MSI2: variants seen among roughly 807,000 people sequenced by gnomAD.
MSI2 encodes RNA-binding protein Musashi homolog 2.
A neutral mutation model predicts 45.6 loss-of-function variants in MSI2; 17 were observed. That is an observed-to-expected ratio of 0.37 (90% CI 0.26 to 0.56). The LOEUF (loss-of-function observed/expected upper bound fraction) is 0.56. Ranked by LOEUF, MSI2 falls within the 20% of genes least tolerant of loss-of-function variation. The pLI is 0.77. For synonymous variants in MSI2, 156 were observed against 158.2 expected, an observed-to-expected ratio of 0.99 and a Z score of 0.11; for missense variants, 293 against 444.2, an observed-to-expected ratio of 0.66 and a Z score of 3.06.
At chr17:57,305,272 G>C (rs1911782656) in intron 5 of MSI2, among the ~76,000 whole-genome samples, 1 of 152,114 alleles carries the variant, frequency 6.6e-6, no homozygotes. Flanking sequence ...ACCGGCATGG[G>C]TGAACCGTTC....
chr17:57,262,696 T>A (rs1907429093), intron 5 of MSI2, among the ~76,000 whole-genome samples: 2 of 152,222 alleles, frequency 1.3e-5, no homozygotes, highest in African/African-American at 4.8e-5. Flanking sequence ...GTTGGTTGGA[T>A]AAGTCAGGGC....
Position 57,613,136 on chromosome 17 carries a change from C to T in MSI2, c.538-2834C>T, listed in dbSNP as rs531347000. On this transcript the variant is annotated intron_variant, in intron 8 of 13. Transcript: ENST00000284073. ...AGTGACAGTCTATTGCATTATCTTA[C>T]AAAAACCTGCTCCCTGTTGCTTAGC... 3.9e-5 allele frequency among the ~76,000 whole-genome samples: 6 copies of T among 152,278 alleles called. No homozygotes were observed. In the East Asian group the frequency reaches 1.2e-3, roughly 29 times the overall value.
chr17:57,567,341 A>G (rs190886399), intron 7 of MSI2, among the ~76,000 whole-genome samples: 18 of 152,332 alleles, frequency 1.2e-4, no homozygotes, highest in Admixed American at 8.5e-4. Flanking sequence ...TTCATAAACA[A>G]TTTTGCTCTT....
At chr17:57,472,048 C>T (rs1423067919) in intron 6 of MSI2, among the ~76,000 whole-genome samples, 4 of 152,244 alleles carry the variant, frequency 2.6e-5, no homozygotes, top group East Asian at 3.9e-4. Context: ...TGTGGGTGGG[C>T]GTGCCCTTGC....
At chr17:57,466,421 A>C (rs1011580404) in intron 6 of MSI2, among the ~76,000 whole-genome samples, 10 of 152,152 alleles carry the variant, frequency 6.6e-5, no homozygotes, top group Non-Finnish European at 1.3e-4. Context: ...GCGGCAGTCC[A>C]TTGTTGCCCA....
chr17:57,415,304 G>A (rs925100799), intron 6 of MSI2, among the ~76,000 whole-genome samples: 5 of 152,182 alleles, frequency 3.3e-5, no homozygotes, highest in Non-Finnish European at 5.9e-5. Flanking sequence ...GAATGTGTTT[G>A]TGGGTACATT....
At chr17:57,674,806 G>A (rs1229563901) in intron 11 of MSI2, 166 bp from the exon 12 acceptor site, 1 of 982,182 alleles carries the variant, frequency 1.0e-6, no homozygotes, top group African/African-American at 1.6e-5. Flanking sequence ...GCATGGCCTT[G>A]GTTGAGTGTT....
At chr17:57,607,161 A>G (rs1174159761) in intron 8 of MSI2, among the ~76,000 whole-genome samples, 1 of 152,186 alleles carries the variant, frequency 6.6e-6, no homozygotes, top group Non-Finnish European at 1.5e-5. Context: ...CATTATGTGT[A>G]TATGTTATGT....
rs11079302 is a variant in MSI2, at chr17:57,439,070, G to A, written c.405+37599G>A. ...GCAGAGGCATAAGCCACCATGCCCG[G>A]CCTAGGAATTTTGTTGTATGTCTGT... On this transcript the variant is annotated intron_variant, in intron 6 of 13. Coordinates refer to ENST00000284073, the MANE Select transcript of MSI2 (RefSeq NM_138962.4). Among the ~76,000 whole-genome samples, 170 of 152,216 alleles carry A rather than the reference G, an allele frequency of 1.1e-3. 1 individual carries two copies. The East Asian group carries it at 0.03, about 27-fold the overall frequency.
chr17:57,663,549 G>T (rs1912159560), intron 11 of MSI2, among the ~76,000 whole-genome samples: 1 of 152,182 alleles, frequency 6.6e-6, no homozygotes, highest in African/African-American at 2.4e-5. Flanking sequence ...GACAGACATA[G>T]GATCCAGGAT....
intron 11 of MSI2, among the ~76,000 whole-genome samples, chr17:57,659,684 C>T (rs1299094785): frequency 6.6e-6 from 1 of 152,072 alleles, no homozygotes; most frequent in Non-Finnish European, 1.5e-5. Context: ...GAGGGACACA[C>T]CTGCCCCCCA....
chr17:57,271,373 G>A (rs1459217659), intron 5 of MSI2, among the ~76,000 whole-genome samples: 2 of 152,156 alleles, frequency 1.3e-5, no homozygotes, highest in Admixed American at 6.5e-5. Flanking sequence ...TTAGGGGTAT[G>A]AGCAGCCAAG....
Position 57,261,351 on chromosome 17 carries a change from A to G in MSI2, c.271-800A>G, listed in dbSNP as rs555948067. Reference sequence around the variant, plus strand: ...TAGATTCTGACTACTTCTTGTATTCAGTAACTTTTTTTTTTTTTTGGTGCC... The same window carrying G: ...TAGATTCTGACTACTTCTTGTATTCGGTAACTTTTTTTTTTTTTTGGTGCC... On this transcript the variant is annotated intron_variant, in intron 4 of 13. Coordinates refer to ENST00000284073, the MANE Select transcript of MSI2 (RefSeq NM_138962.4). Among the ~76,000 whole-genome samples, 183 of 144,300 alleles carry G rather than the reference A, an allele frequency of 1.3e-3. 1 individual carries two copies. Among genetic ancestry groups the G allele is most frequent in the African/African-American group, 4.6e-3 (173 of 37,710 alleles). The allele number at this position is 144,300 out of a possible 152,430, so 94.7% of individuals were successfully genotyped here.
rs1912441016 is a variant in MSI2 at position 57,312,005 on chromosome 17, GC to G, written c.312+49815del. On this transcript the variant is annotated intron_variant, in intron 5 of 13. Transcript: ENST00000284073. ...GAGCTATGGCATCCGGCCAGGTATT[GC>G]CTTTTGATACCTGCTTTCTCTGGAG... 2.0e-5 allele frequency among the ~76,000 whole-genome samples: 3 copies of G among 152,186 alleles called. No individual in the cohort carries two copies. The South Asian group carries it at 6.2e-4, about 32-fold the overall frequency.
intron 5 of MSI2, among the ~76,000 whole-genome samples, chr17:57,379,392 G>A (rs1296326459): frequency 1.4e-5 from 2 of 144,544 alleles, no homozygotes; most frequent in African/African-American, 5.0e-5. Context: ...TATTCAATTT[G>A]ACTGTTGCTA....
chr17:57,259,360 C>CA (rs1486666972), intron 4 of MSI2, among the ~76,000 whole-genome samples: 2 of 152,224 alleles, frequency 1.3e-5, no homozygotes, highest in African/African-American at 2.4e-5. Flanking sequence ...GTGAGCAAGA[C>CA]ATTCCCTACC....
intron 6 of MSI2, among the ~76,000 whole-genome samples, chr17:57,527,323 C>A (rs1264833317): frequency 7.1e-6 from 1 of 140,194 alleles, no homozygotes; most frequent in Non-Finnish European, 1.6e-5. Context: ...GGGTCTGAGT[C>A]TGAGATATGC....
chr17:57,499,852 A>G (rs903616644), intron 6 of MSI2, among the ~76,000 whole-genome samples: 2 of 152,154 alleles, frequency 1.3e-5, no homozygotes, highest in Non-Finnish European at 2.9e-5. Context: ...GCTTCTTTAT[A>G]TCATGGCTGC....
chr17:57,273,540 G>C (rs1271613789), intron 5 of MSI2, among the ~76,000 whole-genome samples: 1 of 133,016 alleles, frequency 7.5e-6, no homozygotes, highest in East Asian at 2.5e-4. Context: ...GTGGGTGGGG[G>C]GGGGGACCTC....
Sources: allele counts gnomAD v4.1 joint callset (sites outside exome capture counted in the v4.1 genomes callset), GRCh38; gene constraint gnomAD v4.1.1; transcripts MANE v1.5; gene names NCBI Gene and HGNC (gene_info 2026-07-23, HGNC 2026-07-21).